Variants in ACTR5 observed in about 807,000 individuals in gnomAD.
ACTR5 encodes actin-related protein 5.
Under a neutral mutation model 61.2 loss-of-function variants are expected in ACTR5, and 43 were observed. The ratio of observed to expected loss-of-function variants is 0.70; its 90% CI spans 0.55 to 0.91. ACTR5 has a LOEUF of 0.91. ACTR5 is among the 40% of genes least tolerant of loss of function. The pLI is 0.00. For missense variants in ACTR5, 798 were observed against 782.2 expected (o/e 1.02, Z -0.24); for synonymous variants, 333 against 310.5 (o/e 1.07, Z -0.76).
In ACTR5 at chr20:38,752,124, G is replaced by A. The variant is rs2084390918; in HGVS notation, c.606-7G>A. On this transcript the variant is annotated splice_region_variant and splice_polypyrimidine_tract_variant and intron_variant, in intron 2 of 8. Transcript: ENST00000243903. ...TTTCAGTGCTGTTTTCTACTGCTTG[G>A]TTATAGATTAGATGCTAAAAACTGC... The A allele has an allele frequency of 1.2e-6, 2 of 1,611,638 alleles. No individual in the cohort carries two copies. Among genetic ancestry groups the A allele is most frequent in the Non-Finnish European group, 1.7e-6 (2 of 1,178,438 alleles).
chr20:38,757,278 C>G (rs62202471), intron 5 of ACTR5, among the ~76,000 whole-genome samples: 25,914 of 152,070 alleles, frequency 0.17, 2,166 homozygotes, highest in Admixed American at 0.19. Context: ...CATCTTAGTT[C>G]CTGTATGGCA....
At chr20:38,752,010 T>C in intron 2 of ACTR5, 121 bp from the exon 3 acceptor site, 1 of 1,144,202 alleles carries the variant, frequency 8.7e-7, no homozygotes, top group South Asian at 1.5e-5. Flanking sequence ...TATCAGGTTT[T>C]GTATTTCTCC....
intron 4 of ACTR5, 70 bp from the exon 5 acceptor site, chr20:38,755,786 CT>C: frequency 6.3e-7 from 1 of 1,580,060 alleles, no homozygotes; most frequent in Non-Finnish European, 8.7e-7. Context: ...TGGAAGCCCT[CT>C]CCAGCTGTCG....
intron 5 of ACTR5, chr20:38,761,572 T>A (rs2084454720): frequency 6.6e-6 from 1 of 152,422 alleles, no homozygotes; most frequent in South Asian, 2.1e-4. Flanking sequence ...CCCCATTGAT[T>A]GCCAGGGTTG....
At chr20:38,762,418 A>G (rs1452205853) in intron 5 of ACTR5, among the ~76,000 whole-genome samples, 1 of 152,202 alleles carries the variant, frequency 6.6e-6, no homozygotes, top group Non-Finnish European at 1.5e-5. Context: ...TTTGCACCAT[A>G]CTTTGTTGGT....
chr20:38,766,904 G>C (rs1313719606), intron 7 of ACTR5, among the ~76,000 whole-genome samples: 1 of 152,218 alleles, frequency 6.6e-6, no homozygotes, highest in Non-Finnish European at 1.5e-5. Flanking sequence ...GGTCATAACG[G>C]CAGGGAAACT....
At chr20:38,748,896 G>C in intron 1 of ACTR5, 43 bp downstream of exon 1, 3 of 1,561,236 alleles carry the variant, frequency 1.9e-6, no homozygotes, top group Non-Finnish European at 2.6e-6. Flanking sequence ...TTTGAGGGGA[G>C]GGGTGCGGTC....
rs761153442 is a variant in ACTR5 at position 38,755,161 on chromosome 20, T to TGCTATATGTGCAGGTAATAGCA, written c.982_993+10dup. The TGCTATATGTGCAGGTAATAGCA allele has an allele frequency of 6.2e-7, 1 of 1,610,278 alleles. No homozygotes were observed. Among genetic ancestry groups the TGCTATATGTGCAGGTAATAGCA allele is most frequent in the Non-Finnish European group, 8.5e-7 (1 of 1,178,226 alleles). On this transcript the variant is annotated frameshift_variant, in exon 4 of 9. Transcript: ENST00000243903. LOFTEE classifies it high-confidence loss of function. ...CTGGATCAGGAGCGTCTGGACCGAC[T>TGCTATATGTGCAGGTAATAGCA]GCTATATGTGCAGGTAATAGCAGAC... is the stretch of plus-strand genomic sequence containing the variant.
Position 38,758,607 on chromosome 20 carries a change from A to G in ACTR5, c.1176+2568A>G, listed in dbSNP as rs560962744. On this transcript the variant is annotated intron_variant, in intron 5 of 8. Coordinates refer to ENST00000243903, the MANE Select transcript of ACTR5 (RefSeq NM_024855.4). ...GGTTGCAGTGAGCTGAGATTGTGAC[A>G]TTGCACTCCAGCCTGGGCAACAGAG... Among the ~76,000 whole-genome samples the G allele has an allele frequency of 2.0e-5, 3 of 151,566 alleles. No homozygotes were observed. In the South Asian group the frequency reaches 6.3e-4, roughly 32 times the overall value.
chr20:38,752,382 CT>C, intron 3 of ACTR5, 82 bp downstream of exon 3: 1 of 1,451,088 alleles, frequency 6.9e-7, no homozygotes, highest in Non-Finnish European at 9.2e-7. Context: ...TGATTCTTTG[CT>C]TGCTCACTTT....
chr20:38,758,513 G>C (rs912744719), intron 5 of ACTR5, among the ~76,000 whole-genome samples: 7 of 152,088 alleles, frequency 4.6e-5, no homozygotes, highest in Non-Finnish European at 2.9e-5. Flanking sequence ...CGGGCGTCGG[G>C]GCAGGCGCCT....
At chr20:38,765,060 C>T (rs2084477563) in intron 5 of ACTR5, among the ~76,000 whole-genome samples, 1 of 152,220 alleles carries the variant, frequency 6.6e-6, no homozygotes, top group Non-Finnish European at 1.5e-5. Flanking sequence ...TCACACCCTT[C>T]TCTTAGAGTT....
At chr20:38,766,785 A>C (rs950191760) in intron 7 of ACTR5, among the ~76,000 whole-genome samples, 3 of 152,184 alleles carry the variant, frequency 2.0e-5, no homozygotes, top group African/African-American at 7.2e-5. Context: ...CATTTCCATA[A>C]GAATCCAGGT....
chr20:38,764,259 C>T (rs796583161), intron 5 of ACTR5, among the ~76,000 whole-genome samples: 17 of 152,284 alleles, frequency 1.1e-4, no homozygotes, highest in African/African-American at 4.1e-4. Context: ...GCATACTTGG[C>T]TTTGGTTACA....
At position 38,748,700 on chromosome 20, in the gene ACTR5, C is replaced by CACGGG; in HGVS notation, c.222_223insACGGG (p.Ala75ThrfsTer60). The CACGGG allele has an allele frequency of 6.6e-7, 1 of 1,522,720 alleles. No homozygotes were observed. Among genetic ancestry groups the CACGGG allele is most frequent in the South Asian group, 1.2e-5 (1 of 81,734 alleles). The allele number at this position is 1,522,720 out of a possible 1,614,324, so 94.3% of individuals were successfully genotyped here. ...CCCGCGGTCGTGGCGGGGCACGGGG[C>CACGGG]GCGTCGGGCCCGCAGGTGGGGAACG... On this transcript the variant is annotated frameshift_variant, in exon 1 of 9. Transcript: ENST00000243903. LOFTEE classifies it high-confidence loss of function.
chr20:38,771,995 C>G lies in ACTR5; in HGVS notation c.*179C>G. On this transcript the variant is annotated 3_prime_UTR_variant, in exon 9 of 9. Transcript: ENST00000243903. ...ACACTGAGACCTGCCCTTCAGAATT[C>G]GGTTCACTTGGGGGCTTCTGTGGTA... The G allele has an allele frequency of 1.1e-6, 1 of 899,658 alleles. No homozygotes were observed. Among genetic ancestry groups the G allele is most frequent in the Non-Finnish European group, 1.6e-6 (1 of 613,184 alleles). 55.7% of individuals were successfully genotyped at this position (899,658 alleles called of 1,614,324 possible).
At position 38,765,442 on chromosome 20, in the gene ACTR5, T is replaced by A. The variant is rs767830598; in HGVS notation, c.1217T>A (p.Val406Glu). 6.2e-7 allele frequency: 1 copy of A among 1,614,132 alleles called. No homozygotes were observed. Among genetic ancestry groups the A allele is most frequent in the South Asian group, 1.1e-5 (1 of 91,078 alleles). ...CAGCTGGAGCCGTCTTTGGAAGATGTGGAAAGCATGAATGATTTTGATCCC... is the reference window on the plus strand; with the variant it reads ...CAGCTGGAGCCGTCTTTGGAAGATGAGGAAAGCATGAATGATTTTGATCCC... ...LEQLEPSLED[V>E]ESMNDFDPLF... The change falls in exon 6 of 9, where the codon GTG becomes GAG. Residue 406 changes from valine (V) to glutamate (E), a missense_variant. Physicochemically the swap from Val to Glu is moderately radical, Grantham distance 121. Coordinates refer to ENST00000243903, the MANE Select transcript of ACTR5 (RefSeq NM_024855.4).
At chr20:38,759,434 TTGAAA>T (rs2084440371) in intron 5 of ACTR5, among the ~76,000 whole-genome samples, 1 of 152,232 alleles carries the variant, frequency 6.6e-6, no homozygotes, top group Non-Finnish European at 1.5e-5. Flanking sequence ...GTTCTCTGTG[TTGAAA>T]TGATCAGCTT....
chr20:38,771,708 C>A lies in ACTR5; in HGVS notation c.1716C>A (p.Asn572Lys). 1 of 1,614,230 alleles carries A rather than the reference C, an allele frequency of 6.2e-7. No individual in the cohort carries two copies. Among genetic ancestry groups the A allele is most frequent in the Non-Finnish European group, 8.5e-7 (1 of 1,180,030 alleles). Residue 572 changes from asparagine (N) to lysine (K), a missense_variant, in exon 9 of 9, where the codon AAC (asparagine) becomes AAA (lysine). Transcript: ENST00000243903. Reference sequence around the variant, plus strand: ...ACCTCAAGGAGCACTGTGCTTCCAACATCTATGTCCCCATCCGCCTGCCGA... The same window carrying A: ...ACCTCAAGGAGCACTGTGCTTCCAAAATCTATGTCCCCATCCGCCTGCCGA... ...GEYLKEHCASNIYVPIRLPKQ... is the reference protein window; with the variant it reads ...GEYLKEHCASKIYVPIRLPKQ...
Sources: gnomAD v4.1 joint callset for allele counts (sites outside exome capture counted in the v4.1 genomes callset) on GRCh38, gnomAD v4.1.1 for gene constraint, MANE v1.5 for transcripts, NCBI Gene and HGNC (gene_info 2026-07-23, HGNC 2026-07-21) for gene names.